Variants in EVI5 observed in about 807,000 individuals in gnomAD.
The protein encoded by EVI5 is ecotropic viral integration site 5.
In EVI5, 73 loss-of-function variants were observed where a neutral mutation model predicts 112.0. The observed-to-expected ratio is 0.65, with a 90% confidence interval of 0.54 to 0.79. The LOEUF is 0.79. EVI5 is among the 30% of genes least tolerant of loss of function. The pLI is 0.00. For missense variants in EVI5, 900 were observed against 968.8 expected (o/e 0.93, Z 0.94); for synonymous variants, 305 against 319.9 (o/e 0.95, Z 0.50).
chr1:92,681,815 T>C (rs897766979), intron 9 of EVI5, among the ~76,000 whole-genome samples: 3 of 152,172 alleles, frequency 2.0e-5, no homozygotes, highest in African/African-American at 7.2e-5. Flanking sequence ...ATATAACTGA[T>C]GAAATAAATT....
intron 19 of EVI5, among the ~76,000 whole-genome samples, chr1:92,536,947 TA>T (rs1297133640): frequency 7.9e-5 from 12 of 152,280 alleles, no homozygotes; most frequent in Non-Finnish European, 5.9e-5. Flanking sequence ...ATCTTATAAT[TA>T]TATAATGCTT....
chr1:92,636,423 T>C lies in EVI5; in HGVS notation c.1393-87A>G, dbSNP rs556156366. The C allele has an allele frequency of 6.5e-5, 74 of 1,130,492 alleles. 2 individuals carry two copies. In the South Asian group the frequency reaches 1.2e-3, roughly 18 times the overall value. The allele number at this position is 1,130,492 out of a possible 1,614,324, so 70.0% of individuals were successfully genotyped here. On this transcript the variant is annotated intron_variant, in intron 13 of 19. Coordinates refer to ENST00000684568, the MANE Select transcript of EVI5 (RefSeq NM_001350197.2). ...ACAATGCAACCACATAATACAGTTA[T>C]ATTACATTAAGGGCAACTAAATAGG...
chr1:92,774,489 ATCCT>A (rs1487175122), intron 1 of EVI5, among the ~76,000 whole-genome samples: 4 of 152,200 alleles, frequency 2.6e-5, no homozygotes, highest in Non-Finnish European at 5.9e-5. Context: ...CAAAATCCCC[ATCCT>A]TCCTTCTATC....
rs755476736 is a variant in EVI5, at chr1:92,513,696, C to A, written c.2441G>T (p.Arg814Leu). ...ATACGACTCTCTTCTTCTCGGGGGC[C>A]GCTCCTTTTGAACCACTTGGTTGCT... ...RESNQVVQKE[R>L]PPRRRESYST... Residue 814 changes from arginine (R) to leucine (L), a missense_variant, in exon 20 of 20, where the codon CGG (arginine) becomes CTG (leucine). Arg to Leu is a moderately radical substitution (Grantham distance 102, BLOSUM62 -2). Transcript: ENST00000684568. 2 of 1,612,454 alleles carry A rather than the reference C, an allele frequency of 1.2e-6. No homozygotes were observed. Among genetic ancestry groups the A allele is most frequent in the Non-Finnish European group, 1.7e-6 (2 of 1,179,314 alleles).
upstream of EVI5, among the ~76,000 whole-genome samples, chr1:92,788,514 A>C (rs1685835832): frequency 2.0e-5 from 3 of 148,068 alleles, no homozygotes; most frequent in South Asian, 4.3e-4. Context: ...AAAAAAAACT[A>C]GGCAGGACAT....
At chr1:92,702,453 T>C (rs1671329242) in intron 4 of EVI5, among the ~76,000 whole-genome samples, 1 of 149,526 alleles carries the variant, frequency 6.7e-6, no homozygotes, top group African/African-American at 2.4e-5. Flanking sequence ...TAAAATAAAA[T>C]AAAATAAAAT....
At chr1:92,711,460 G>T (rs1205129048) in intron 2 of EVI5, among the ~76,000 whole-genome samples, 2 of 152,138 alleles carry the variant, frequency 1.3e-5, no homozygotes, top group Non-Finnish European at 2.9e-5. Flanking sequence ...AGCTAAGAAA[G>T]GATCTAAGGA....
chr1:92,575,971 A>G (rs1002844387), intron 18 of EVI5, among the ~76,000 whole-genome samples: 47 of 152,270 alleles, frequency 3.1e-4, no homozygotes, highest in African/African-American at 1.0e-3. Context: ...TTCCATTCCA[A>G]CATTATTCCA....
intron 16 of EVI5, 37 bp from the exon 17 acceptor site, chr1:92,607,764 A>C (rs201329142): frequency 1.9e-5 from 28 of 1,463,070 alleles, no homozygotes; most frequent in Non-Finnish European, 2.6e-5. Context: ...GACTATAGAT[A>C]CAAGACCTAA....
chr1:92,740,557 T>C (rs1266848241), intron 1 of EVI5, among the ~76,000 whole-genome samples: 1 of 152,218 alleles, frequency 6.6e-6, no homozygotes, highest in Non-Finnish European at 1.5e-5. Flanking sequence ...TGTTCCTTCC[T>C]CGAGATGAGT....
At chr1:92,539,263 C>T (rs1664381590) in intron 19 of EVI5, among the ~76,000 whole-genome samples, 1 of 152,098 alleles carries the variant, frequency 6.6e-6, no homozygotes. Flanking sequence ...TTGAACCCGG[C>T]CGGGCGCAGT....
chr1:92,786,238 A>G (rs79911111), upstream of EVI5, among the ~76,000 whole-genome samples: 116,801 of 138,134 alleles, frequency 0.85, 49,143 homozygotes, highest in East Asian at 0.92. Context: ...CATTTCAGAA[A>G]AAAAAAAAAA....
chr1:92,611,047 T>G (rs1203921678), intron 16 of EVI5, among the ~76,000 whole-genome samples: 1 of 151,366 alleles, frequency 6.6e-6, no homozygotes, highest in Non-Finnish European at 1.5e-5. Flanking sequence ...TGTATACATA[T>G]GTAACTAACC....
intron 18 of EVI5, among the ~76,000 whole-genome samples, chr1:92,598,348 CAT>C (rs1240470344): frequency 5.9e-5 from 9 of 152,020 alleles, no homozygotes; most frequent in African/African-American, 1.7e-4. Flanking sequence ...ACCCCCATGA[CAT>C]GTGTTTATCT....
chr1:92,619,363 C>T (rs1163918815), intron 16 of EVI5, among the ~76,000 whole-genome samples: 2 of 152,042 alleles, frequency 1.3e-5, no homozygotes, highest in African/African-American at 4.8e-5. Flanking sequence ...GGGACTTTGA[C>T]TGGCACTTCT....
At chr1:92,676,575 C>A (rs1415295) in intron 10 of EVI5, among the ~76,000 whole-genome samples, 140,202 of 152,210 alleles carry the variant, frequency 0.92, 64,660 homozygotes, top group East Asian at 0.97. Context: ...CAGACCCTCA[C>A]CTCAAGAATT....
chr1:92,660,211 C>T (rs2102148983), intron 13 of EVI5, among the ~76,000 whole-genome samples: 1 of 152,024 alleles, frequency 6.6e-6, no homozygotes, highest in African/African-American at 2.4e-5. Context: ...GCACTTGGAT[C>T]CCCTAAATGT....
At chr1:92,553,885 A>C (rs946580730) in intron 19 of EVI5, among the ~76,000 whole-genome samples, 1 of 152,254 alleles carries the variant, frequency 6.6e-6, no homozygotes, top group Non-Finnish European at 1.5e-5. Context: ...TTAAACTTCA[A>C]ACTCTTCAAA....
intron 19 of EVI5, among the ~76,000 whole-genome samples, chr1:92,532,373 C>G (rs1663018632): frequency 6.6e-6 from 1 of 152,114 alleles, no homozygotes; most frequent in Non-Finnish European, 1.5e-5. Flanking sequence ...TTAGACAGAT[C>G]AATAAGACAG....
Sources: gnomAD v4.1 joint callset for allele counts (sites outside exome capture counted in the v4.1 genomes callset) on GRCh38, gnomAD v4.1.1 for gene constraint, MANE v1.5 for transcripts, NCBI Gene and HGNC (gene_info 2026-07-23, HGNC 2026-07-21) for gene names.